Variants in JAKMIP3 observed in about 807,000 individuals in gnomAD.
JAKMIP3 encodes the protein Janus kinase and microtubule interacting protein 3.
JAKMIP3 carries 58 observed loss-of-function variants against 118.5 expected under a neutral mutation model. The observed-to-expected ratio is 0.49, with a 90% confidence interval of 0.40 to 0.61. The LOEUF is 0.61. JAKMIP3 is among the 20% of genes least tolerant of loss of function. The pLI, the probability that JAKMIP3 is intolerant of heterozygous loss-of-function variation, is 0.00. For missense variants in JAKMIP3, 950 were observed against 1,109.0 expected, an observed-to-expected ratio of 0.86 and a Z score of 2.04; for synonymous variants, 486 against 451.2, an observed-to-expected ratio of 1.08 and a Z score of -0.98.
rs974583362 is a variant in JAKMIP3 at position 132,145,034 on chromosome 10, G to C, written c.1603-73G>C. 3.7e-5 allele frequency: 46 copies of C among 1,256,352 alleles called. 1 individual carries two copies. The South Asian group carries it at 5.9e-4, about 16-fold the overall frequency. 77.8% of individuals were successfully genotyped at this position (1,256,352 alleles called of 1,614,324 possible). A position where few individuals can be genotyped will look rare whatever the true frequency, so the allele number is the denominator to read the frequency against. ...GAACCAAAAGACAGACCCTTCTGAC[G>C]TCCCACGAGTGTGTGTGCTGTCTGT... On this transcript the variant is annotated intron_variant, in intron 11 of 23. Coordinates refer to ENST00000684848, the MANE Select transcript of JAKMIP3 (RefSeq NM_001323087.2).
chr10:132,079,343 A>G (rs1365369131), intron 1 of JAKMIP3, among the ~76,000 whole-genome samples: 1 of 152,148 alleles, frequency 6.6e-6, no homozygotes, highest in Non-Finnish European at 1.5e-5. Flanking sequence ...CTCTGGCCCC[A>G]CTGCCTTTCC....
At chr10:132,077,221 C>A (rs951209916) in intron 1 of JAKMIP3, among the ~76,000 whole-genome samples, 16 of 147,150 alleles carry the variant, frequency 1.1e-4, no homozygotes, top group African/African-American at 3.8e-4. Context: ...TCTGCTTCCC[C>A]CTCTCCCGGT....
chr10:132,145,045 G>A (rs2054329959), intron 11 of JAKMIP3, 62 bp from the exon 12 acceptor site: 3 of 1,382,164 alleles, frequency 2.2e-6, no homozygotes, highest in South Asian at 1.2e-5. Context: ...TCCCACGAGT[G>A]TGTGTGCTGT....
chr10:132,050,670 C>T (rs979785862), intron 1 of JAKMIP3, among the ~76,000 whole-genome samples: 7 of 152,196 alleles, frequency 4.6e-5, no homozygotes, highest in Admixed American at 1.3e-4. Flanking sequence ...CCTACATTAG[C>T]TTCCACCCTG....
At chr10:132,164,615 T>G (rs2058707577) in intron 20 of JAKMIP3, 55 bp from the exon 21 acceptor site, 1 of 1,145,312 alleles carries the variant, frequency 8.7e-7, no homozygotes, top group Admixed American at 1.9e-5. Context: ...CTTGAAGGAT[T>G]TGGGTTTCCC....
chr10:132,174,814 G>A (rs935774546), intron 23 of JAKMIP3, among the ~76,000 whole-genome samples: 2 of 152,176 alleles, frequency 1.3e-5, no homozygotes, highest in African/African-American at 4.8e-5. Context: ...TAGAGGGGGA[G>A]TGGCATCTTA....
chr10:132,143,105 G>C (rs916835025), intron 11 of JAKMIP3, among the ~76,000 whole-genome samples: 4 of 151,650 alleles, frequency 2.6e-5, no homozygotes, highest in Non-Finnish European at 4.4e-5. Flanking sequence ...AACTAAGAGA[G>C]AGCTCCACCC....
chr10:132,116,204 A>T (rs1348273664), intron 2 of JAKMIP3, among the ~76,000 whole-genome samples: 1 of 152,260 alleles, frequency 6.6e-6, no homozygotes, highest in Non-Finnish European at 1.5e-5. Context: ...ATAACAACTG[A>T]TAAAACCTTT....
intron 16 of JAKMIP3, among the ~76,000 whole-genome samples, chr10:132,151,152 A>G (rs1258219607): frequency 6.6e-6 from 1 of 151,750 alleles, no homozygotes; most frequent in Non-Finnish European, 1.5e-5. Context: ...TCATTCATCC[A>G]TTCTCCAAAA....
chr10:132,137,341 C>T (rs1425801848), intron 8 of JAKMIP3, 52 bp downstream of exon 8: 11 of 1,603,932 alleles, frequency 6.9e-6, no homozygotes, highest in East Asian at 6.7e-5. Context: ...CACGCAGTTG[C>T]CCGTGGGACC....
chr10:132,098,925 G>A (rs1235342736), intron 1 of JAKMIP3, among the ~76,000 whole-genome samples: 3 of 152,194 alleles, frequency 2.0e-5, no homozygotes, highest in African/African-American at 2.4e-5. Context: ...ACACTCACCT[G>A]GGTTTGGGAC....
intron 20 of JAKMIP3, among the ~76,000 whole-genome samples, chr10:132,164,092 CA>C (rs1237506462): frequency 6.6e-6 from 1 of 152,252 alleles, no homozygotes; most frequent in African/African-American, 2.4e-5. Flanking sequence ...TTCACATAAA[CA>C]AGTGTGCTGT....
intron 1 of JAKMIP3, among the ~76,000 whole-genome samples, chr10:132,073,841 C>G (rs1333562247): frequency 6.6e-6 from 1 of 152,122 alleles, no homozygotes; most frequent in African/African-American, 2.4e-5. Context: ...CATATGGGTG[C>G]TGATATCTTT....
At chr10:132,164,397 C>T (rs938739622) in intron 20 of JAKMIP3, among the ~76,000 whole-genome samples, 4 of 152,228 alleles carry the variant, frequency 2.6e-5, no homozygotes, top group Non-Finnish European at 5.9e-5. Flanking sequence ...CCTACCATTT[C>T]CCTGGCTGTC....
upstream of JAKMIP3, among the ~76,000 whole-genome samples, chr10:132,062,568 C>T (rs1469255321): frequency 1.3e-5 from 2 of 152,218 alleles, no homozygotes; most frequent in African/African-American, 2.4e-5. Context: ...GGATAGCCCT[C>T]GAGGACATGA....
At chr10:132,067,893 G>GTGGGCTTCTGTGTGGACTC (rs1177765797) in intron 1 of JAKMIP3, among the ~76,000 whole-genome samples, 7 of 143,708 alleles carry the variant, frequency 4.9e-5, no homozygotes, top group Admixed American at 4.8e-4. Context: ...GGACTGGACT[G>GTGGGCTTCTGTGTGGACTC]TGGGCTTCTG....
Position 132,168,250 on chromosome 10 carries a change from T to C in JAKMIP3, c.*320T>C, listed in dbSNP as rs1180636650. 1.6e-6 allele frequency: 2 copies of C among 1,289,252 alleles called. No homozygotes were observed. Among genetic ancestry groups the C allele is most frequent in the Non-Finnish European group, 2.0e-6 (2 of 988,722 alleles). 79.9% of individuals were successfully genotyped at this position (1,289,252 alleles called of 1,614,324 possible). The stretch of plus-strand genomic sequence containing the variant: ...AGCCCCCATCCCATTTCCAGGGATG[T>C]GTAGCATTCCCTGCCAAGCAGGGGT... On this transcript the variant is annotated 3_prime_UTR_variant, in exon 23 of 24. Coordinates refer to ENST00000684848, the MANE Select transcript of JAKMIP3 (RefSeq NM_001323087.2).
rs1176146450 is a variant in JAKMIP3, at chr10:132,048,663, T to TTTTC, written c.-138+11929_-138+11932dup. Reference sequence around the variant, plus strand: ...CAGAAATTCCAGGCTTGACTGTTTCTTTTCTTTTTTTTTTTTTTTGAGATG... The same window carrying TTTTC: ...CAGAAATTCCAGGCTTGACTGTTTCTTTTCTTTCTTTTTTTTTTTTTTTGAGATG... On this transcript the variant is annotated intron_variant, in intron 1 of 23. Coordinates refer to the JAKMIP3 transcript ENST00000657785. Among the ~76,000 whole-genome samples the TTTTC allele has an allele frequency of 2.9e-4, 27 of 91,688 alleles. 2 individuals carry two copies. Among genetic ancestry groups the TTTTC allele is most frequent in the South Asian group, 9.4e-4 (2 of 2,126 alleles). The allele number at this position is 91,688 out of a possible 152,430, so 60.2% of individuals were successfully genotyped here.
intron 10 of JAKMIP3, 41 bp from the exon 11 acceptor site, chr10:132,141,879 C>T (rs984812238): frequency 7.0e-6 from 11 of 1,571,638 alleles, no homozygotes; most frequent in Non-Finnish European, 9.5e-6. Flanking sequence ...TGGCTACTGA[C>T]ACTGTGTCTC....
Sources: gnomAD v4.1 joint callset for allele counts (sites outside exome capture counted in the v4.1 genomes callset) on GRCh38, gnomAD v4.1.1 for gene constraint, MANE v1.5 for transcripts, NCBI Gene and HGNC (gene_info 2026-07-23, HGNC 2026-07-21) for gene names.